Variants in RABL2A observed in about 807,000 individuals in gnomAD.
RABL2A encodes the protein rab-like protein 2A.
In RABL2A, 17 loss-of-function variants were observed where a neutral mutation model predicts 30.7. The ratio of observed to expected loss-of-function variants is 0.55; its 90% confidence interval spans 0.38 to 0.83. RABL2A has a LOEUF of 0.83. RABL2A is among the 40% of genes least tolerant of loss of function. The pLI, the probability that RABL2A is intolerant of heterozygous loss-of-function variation, is 0.00. For synonymous variants in RABL2A, 64 were observed against 101.8 expected, an observed-to-expected ratio of 0.63 and a Z score of 2.24; for missense variants, 155 against 272.6, an observed-to-expected ratio of 0.57 and a Z score of 3.04.
chr2:113,630,848 T>C (rs1462540686), intron 2 of RABL2A, among the ~76,000 whole-genome samples: 1 of 152,132 alleles, frequency 6.6e-6, no homozygotes, highest in Non-Finnish European at 1.5e-5. Context: ...CAGATTTCTT[T>C]TGACCCCAGG....
At chr2:113,636,223 A>G (rs1266381964) in intron 5 of RABL2A, among the ~76,000 whole-genome samples, 4 of 152,222 alleles carry the variant, frequency 2.6e-5, no homozygotes, top group Admixed American at 2.6e-4. Context: ...CGGTCACTAA[A>G]ACTTCTTGGA....
At position 113,630,372 on chromosome 2, in the gene RABL2A, C is replaced by T. The variant is rs1310637647; in HGVS notation, c.107+1659C>T. On this transcript the variant is annotated intron_variant, in intron 2 of 8. Coordinates refer to ENST00000683472, the MANE Select transcript of RABL2A (RefSeq NM_001306158.2). ...TATCTCTAACCTATGAATCTAAACT[C>T]GGTTGGGCTAAAACACCCATTAAGA... is the stretch of plus-strand genomic sequence containing the variant. Among the ~76,000 whole-genome samples, 2 of 152,170 alleles carry T rather than the reference C, an allele frequency of 1.3e-5. 1 individual carries two copies. The highest frequency in any genetic ancestry group is 4.1e-4 in the South Asian group (2 of 4,832).
rs747376289 is a variant in RABL2A at position 113,641,523 on chromosome 2, C to T, written c.507+73C>T. 104 of 1,611,954 alleles carry T rather than the reference C, an allele frequency of 6.5e-5. No homozygotes were observed. The East Asian group carries it at 2.2e-3, about 34-fold the overall frequency. ...TAAAGGGAAGCTGTGAAGAGAAGGG[C>T]TTACTGCAGGTGTGATGGAGAGAAC... On this transcript the variant is annotated intron_variant, in intron 7 of 8. Coordinates refer to ENST00000683472, the MANE Select transcript of RABL2A (RefSeq NM_001306158.2).
intron 2 of RABL2A, among the ~76,000 whole-genome samples, chr2:113,629,267 C>T (rs1390048524): frequency 6.6e-6 from 1 of 152,172 alleles, no homozygotes. Context: ...CCTAGGACTG[C>T]TGAGGGCACA....
At chr2:113,634,669 C>T (rs1440271110) in intron 4 of RABL2A, 2 of 412,368 alleles carry the variant, frequency 4.9e-6, no homozygotes, top group East Asian at 5.5e-5. Context: ...TGGCCGGGCA[C>T]ACAGCCTGCC....
intron 4 of RABL2A, 144 bp downstream of exon 4, chr2:113,634,376 C>T: frequency 1.0e-6 from 1 of 999,396 alleles, no homozygotes; most frequent in Non-Finnish European, 1.5e-6. Context: ...AGAGAGAACC[C>T]AGAGAGCCAG....
chr2:113,641,628 C>G (rs1685210396), intron 7 of RABL2A, 153 bp from the exon 8 acceptor site: 1 of 738,470 alleles, frequency 1.4e-6, no homozygotes, highest in Non-Finnish European at 2.3e-6. Context: ...GTCCATTGAC[C>G]ATACATAGGT....
At chr2:113,633,410 T>C (rs1278315437) in intron 3 of RABL2A, 1 of 231,302 alleles carries the variant, frequency 4.3e-6, no homozygotes, top group Non-Finnish European at 8.4e-6. Flanking sequence ...AGGTTTGGAG[T>C]GAGTTCCTCC....
rs1485162409 is a variant in RABL2A, at chr2:113,634,183, G to A, written c.168G>A (p.Leu56=). Residue 56 remains leucine (L), a synonymous_variant, in exon 4 of 9, where the codon CTG becomes CTA. Coordinates refer to ENST00000683472, the MANE Select transcript of RABL2A (RefSeq NM_001306158.2). ...CACAGCAGCTGTCCACGTACGCCCT[G>A]ACCCTGTACAAGCACACAGCCACGG... The part of the protein sequence containing the change: ...FQPQQLSTYA[L]TLYKHTATVD... 6.2e-7 allele frequency: 1 copy of A among 1,612,746 alleles called. No homozygotes were observed. The highest frequency in any genetic ancestry group is 8.5e-7 in the Non-Finnish European group (1 of 1,179,364).
chr2:113,638,936 T>C (rs1351740693), intron 5 of RABL2A, among the ~76,000 whole-genome samples: 1 of 152,052 alleles, frequency 6.6e-6, no homozygotes, highest in East Asian at 1.9e-4. Flanking sequence ...AAACAAATTA[T>C]AAAGTAATAC....
At chr2:113,629,475 C>T (rs1679412448) in intron 2 of RABL2A, among the ~76,000 whole-genome samples, 1 of 149,058 alleles carries the variant, frequency 6.7e-6, no homozygotes, top group Non-Finnish European at 1.5e-5. Context: ...TTTGAATTCT[C>T]TGTCTCTCTC....
At chr2:113,640,238 A>G (rs1302750218) in intron 5 of RABL2A, 3 of 153,158 alleles carry the variant, frequency 2.0e-5, no homozygotes, top group Admixed American at 6.5e-5. Context: ...AGTTTAAGCA[A>G]TAAATACAAG....
chr2:113,633,108 A>G lies in RABL2A; in HGVS notation c.137+164A>G, dbSNP rs1681081858. Reference sequence around the variant, plus strand: ...TTCTGCACTTGTTTCTTGCCGATTGACCCACATGGCATTGCACAATCAGTG... The same window carrying G: ...TTCTGCACTTGTTTCTTGCCGATTGGCCCACATGGCATTGCACAATCAGTG... On this transcript the variant is annotated intron_variant, in intron 3 of 8. Transcript: ENST00000683472. 4 of 1,027,390 alleles carry G rather than the reference A, an allele frequency of 3.9e-6. No homozygotes were observed. In the East Asian group the frequency reaches 1.0e-4, roughly 26 times the overall value. 63.6% of individuals were successfully genotyped at this position (1,027,390 alleles called of 1,614,324 possible).
intron 2 of RABL2A, among the ~76,000 whole-genome samples, chr2:113,631,354 C>G (rs1027658379): frequency 2.6e-5 from 4 of 152,100 alleles, no homozygotes; most frequent in Middle Eastern, 3.2e-3. Flanking sequence ...ACACCCCCCC[C>G]ACCCAAAACT....
rs372442112 is a variant in RABL2A, at chr2:113,634,268, G to A, written c.217+36G>A. On this transcript the variant is annotated intron_variant, in intron 4 of 8. Transcript: ENST00000683472. ...CAGGGCCAAGACATGCTGACCCTCA[G>A]GAAAGAGGAAATGGGAGACGAGGGG... 9 of 1,588,042 alleles carry A rather than the reference G, an allele frequency of 5.7e-6. No homozygotes were observed. The African/African-American group carries it at 1.1e-4, about 19-fold the overall frequency.
chr2:113,629,460 A>G (rs1232807070), intron 2 of RABL2A, among the ~76,000 whole-genome samples: 1 of 151,484 alleles, frequency 6.6e-6, no homozygotes, highest in Non-Finnish European at 1.5e-5. Flanking sequence ...GGCCATCTCC[A>G]TGAATTTGAA....
intron 5 of RABL2A, among the ~76,000 whole-genome samples, chr2:113,636,887 G>GC (rs1682984545): frequency 6.6e-6 from 1 of 151,998 alleles, no homozygotes; most frequent in Non-Finnish European, 1.5e-5. Context: ...TACTCGGGAG[G>GC]CTGAGGCAGG....
At chr2:113,639,730 C>G (rs543652815) in intron 5 of RABL2A, among the ~76,000 whole-genome samples, 2 of 152,136 alleles carry the variant, frequency 1.3e-5, no homozygotes, top group South Asian at 2.1e-4. Context: ...GTGGCGCACA[C>G]CTGTAGTCCC....
At chr2:113,633,027 G>T in intron 3 of RABL2A, 83 bp downstream of exon 3, 1 of 1,604,522 alleles carries the variant, frequency 6.2e-7, no homozygotes, top group Non-Finnish European at 8.5e-7. Flanking sequence ...CCACCCCTTT[G>T]TACCAGCAGC....
Sources: allele counts gnomAD v4.1 joint callset (sites outside exome capture counted in the v4.1 genomes callset), GRCh38; gene constraint gnomAD v4.1.1; transcripts MANE v1.5; gene names NCBI Gene and HGNC (gene_info 2026-07-23, HGNC 2026-07-21).